Variants in OPTN observed in about 807,000 individuals in gnomAD.
OPTN encodes the protein optineurin.
Under a neutral mutation model 70.4 loss-of-function variants are expected in OPTN, and 54 were observed. The observed-to-expected ratio is 0.77, with a 90% CI of 0.62 to 0.96. The LOEUF is 0.96. Among genes scored for constraint, OPTN ranks in the 40% least tolerant of loss-of-function variants. OPTN has a pLI of 0.00. For missense variants in OPTN, 624 were observed against 673.2 expected, an observed-to-expected ratio of 0.93 and a Z score of 0.81; for synonymous variants, 256 against 248.5, an observed-to-expected ratio of 1.03 and a Z score of -0.28.
intron 12 of OPTN, chr10:13,131,363 G>C (rs749112776): frequency 1.3e-5 from 2 of 152,606 alleles, no homozygotes; most frequent in Non-Finnish European, 2.9e-5. Context: ...CATACAAGGT[G>C]ATGAATACCA....
chr10:13,112,764 T>C, intron 5 of OPTN, 129 bp downstream of exon 5: 1 of 894,082 alleles, frequency 1.1e-6, no homozygotes, highest in Non-Finnish European at 1.8e-6. Context: ...CAAAGATAAA[T>C]TGGCTCTCAT....
chr10:13,132,939 G>C (rs1005925518), intron 13 of OPTN, among the ~76,000 whole-genome samples: 2 of 152,006 alleles, frequency 1.3e-5, no homozygotes, highest in African/African-American at 2.4e-5. Context: ...AGGAAAAAGG[G>C]AGTTGTAGTT....
intron 1 of OPTN, among the ~76,000 whole-genome samples, chr10:13,102,264 G>A (rs1221179012): frequency 6.6e-6 from 1 of 152,238 alleles, no homozygotes; most frequent in African/African-American, 2.4e-5. Flanking sequence ...GTGTTTTGGT[G>A]GCAGGAGGTG....
In OPTN at chr10:13,114,809, T is replaced by TAC. The variant is rs1564358844; in HGVS notation, c.553-1457_553-1456insCA. 1.2e-3 allele frequency among the ~76,000 whole-genome samples: 10 copies of TAC among 8,266 alleles called. 3 individuals are homozygous for TAC. The highest frequency in any genetic ancestry group is 2.9e-3 in the Non-Finnish European group (10 of 3,468). The allele number at this position is 8,266 out of a possible 152,430, so 5.4% of individuals were successfully genotyped here. ...AATTATATAATTATATATACATATA[T>TAC]ATAATTATATAATTATATAATTATA... On this transcript the variant is annotated intron_variant, in intron 5 of 14. Coordinates refer to ENST00000378747, the MANE Select transcript of OPTN (RefSeq NM_001008212.2).
chr10:13,133,960 C>T (rs185705950), intron 14 of OPTN, among the ~76,000 whole-genome samples: 2,589 of 152,254 alleles, frequency 0.017, 40 homozygotes, highest in Middle Eastern at 0.037. Context: ...AGGCGTGCAC[C>T]GCCACACCCA....
At chr10:13,135,084 C>T (rs1833671277) in intron 14 of OPTN, among the ~76,000 whole-genome samples, 1 of 152,172 alleles carries the variant, frequency 6.6e-6, no homozygotes, top group Non-Finnish European at 1.5e-5. Context: ...AATATTCATA[C>T]ATGTTACTAC....
At chr10:13,121,388 A>G (rs1416182753) in intron 7 of OPTN, among the ~76,000 whole-genome samples, 1 of 151,656 alleles carries the variant, frequency 6.6e-6, no homozygotes, top group African/African-American at 2.4e-5. Context: ...TGTATCCCCA[A>G]ATGATTTGGG....
chr10:13,122,383 A>C lies in OPTN; in HGVS notation c.780-2A>C, dbSNP rs768117011. On this transcript the variant is annotated splice_acceptor_variant, in intron 7 of 14. Transcript: ENST00000378747. LOFTEE classifies it high-confidence loss of function. ...ACTTTTCTATCTTCTGTGATTTTCC[A>C]GAGTTTCAGATTTTGAAAAGAAAAC... is the stretch of plus-strand genomic sequence containing the variant. 5 of 1,605,658 alleles carry C rather than the reference A, an allele frequency of 3.1e-6. No homozygotes were observed. In the South Asian group the frequency reaches 5.5e-5, roughly 18 times the overall value.
chr10:13,116,361 GC>G (rs1416650220), intron 6 of OPTN, 21 bp downstream of exon 6: 2 of 1,595,100 alleles, frequency 1.3e-6, no homozygotes, highest in Non-Finnish European at 1.7e-6. Flanking sequence ...GAAGACTCGG[GC>G]TGTCAGGCAG....
intron 1 of OPTN, among the ~76,000 whole-genome samples, chr10:13,101,684 T>C: frequency 6.6e-6 from 1 of 152,174 alleles, no homozygotes. Context: ...CACTTTGACA[T>C]GTGTATGAGG....
At chr10:13,127,445 T>A (rs1429422279) in intron 11 of OPTN, among the ~76,000 whole-genome samples, 3 of 152,170 alleles carry the variant, frequency 2.0e-5, no homozygotes, top group Non-Finnish European at 4.4e-5. Context: ...GTTATCACCT[T>A]TTTTTTAGGA....
In OPTN at chr10:13,127,922, C is replaced by T. The variant is rs1833503303; in HGVS notation, c.1401+19C>T. ...GGCTCAGGTGAGGCACCTTCCAAAA[C>T]CCCAGCTGAGCGAGGCCAGCCCTGA... On this transcript the variant is annotated intron_variant, in intron 12 of 14. Transcript: ENST00000378747. The T allele has an allele frequency of 6.2e-7, 1 of 1,613,912 alleles. No homozygotes were observed.
chr10:13,122,627 T>G lies in OPTN; in HGVS notation c.882+140T>G. ...ATATTGAATATTATCTATCTATTCC[T>G]TTTATATGTCCTTGTCCTGCTCTGT... On this transcript the variant is annotated intron_variant, in intron 8 of 14. Transcript: ENST00000378747. 8.3e-6 allele frequency: 6 copies of G among 719,780 alleles called. No homozygotes were observed. In the South Asian group the frequency reaches 8.9e-5, roughly 11 times the overall value. The allele number at this position is 719,780 out of a possible 1,614,324, so 44.6% of individuals were successfully genotyped here.
At chr10:13,132,348 GA>G (rs1203393998) in intron 13 of OPTN, 151 bp downstream of exon 13, 1 of 623,384 alleles carries the variant, frequency 1.6e-6, no homozygotes, top group Non-Finnish European at 2.7e-6. Context: ...TCCCCTGTCT[GA>G]AAAATAAATA....
At position 13,127,777 on chromosome 10, in the gene OPTN, A is replaced by G; in HGVS notation, c.1275A>G (p.Glu425=). 1 of 1,614,190 alleles carries G rather than the reference A, an allele frequency of 6.2e-7. No homozygotes were observed. The highest frequency in any genetic ancestry group is 8.5e-7 in the Non-Finnish European group (1 of 1,180,022). The change falls in exon 12 of 15, where the codon GAA becomes GAG. Residue 425 remains glutamate (E), a synonymous_variant. Transcript: ENST00000378747. The part of the protein sequence containing the change: ...SEKVDRAVLK[E]LSEKLELAEK... ...AAGTGGACAGGGCAGTGCTGAAGGAACTGAGTGAAAAACTGGAACTGGCAG... is the reference window on the plus strand; with the variant it reads ...AAGTGGACAGGGCAGTGCTGAAGGAGCTGAGTGAAAAACTGGAACTGGCAG...
chr10:13,134,109 T>C (rs569261619), intron 14 of OPTN, among the ~76,000 whole-genome samples: 2 of 152,358 alleles, frequency 1.3e-5, no homozygotes, highest in Admixed American at 1.3e-4. Flanking sequence ...GTACCCGGCC[T>C]ACAGCCACAC....
rs1833498808 is a variant in OPTN at position 13,127,760 on chromosome 10, AGGGC to A, written c.1259_1262del (p.Arg420LysfsTer3). On this transcript the variant is annotated frameshift_variant, in exon 12 of 15. Coordinates refer to ENST00000378747, the MANE Select transcript of OPTN (RefSeq NM_001008212.2). LOFTEE classifies it high-confidence loss of function. ...TCTTTTTCAGTCAGAAAAAGTGGACAGGGCAGTGCTGAAGGAACTGAGTGAAAAA... is the reference window on the plus strand; with the variant it reads ...TCTTTTTCAGTCAGAAAAAGTGGACAAGTGCTGAAGGAACTGAGTGAAAAA... 7 of 1,614,060 alleles carry A rather than the reference AGGGC, an allele frequency of 4.3e-6. No homozygotes were observed. In the Admixed American group the frequency reaches 1.2e-4, roughly 27 times the overall value.
chr10:13,114,521 G>A (rs1833079050), intron 5 of OPTN, among the ~76,000 whole-genome samples: 1 of 151,576 alleles, frequency 6.6e-6, no homozygotes, highest in African/African-American at 2.4e-5. Context: ...TGTCAGATGA[G>A]TGACAGTTAT....
intron 7 of OPTN, 118 bp from the exon 8 acceptor site, chr10:13,122,267 A>C: frequency 1.4e-6 from 1 of 731,756 alleles, no homozygotes; most frequent in Non-Finnish European, 2.4e-6. Context: ...GAGATTTTGA[A>C]AACCCCTGAT....
Sources: allele counts gnomAD v4.1 joint callset (sites outside exome capture counted in the v4.1 genomes callset), GRCh38; gene constraint gnomAD v4.1.1; transcripts MANE v1.5; gene names NCBI Gene and HGNC (gene_info 2026-07-23, HGNC 2026-07-21).